CPA3: variants seen among roughly 807,000 people sequenced by gnomAD.
The protein encoded by CPA3 is mast cell carboxypeptidase A.
Under a neutral mutation model 55.8 loss-of-function variants are expected in CPA3, and 52 were observed. The observed-to-expected ratio is 0.93, with a 90% CI of 0.75 to 1.17. The LOEUF (loss-of-function observed/expected upper bound fraction) is 1.17. CPA3 is among the 50% of genes most tolerant of loss of function. The probability of loss-of-function intolerance (pLI) is 0.00; values close to 1 mark genes in which losing one functional copy is unlikely to be tolerated. For synonymous variants in CPA3, 179 were observed against 171.2 expected, an observed-to-expected ratio of 1.05 and a Z score of -0.36; for missense variants, 547 against 509.1, an observed-to-expected ratio of 1.07 and a Z score of -0.72.
intron 3 of CPA3, among the ~76,000 whole-genome samples, chr3:148,872,032 C>A (rs78789980): frequency 0.042 from 6,402 of 151,984 alleles, 178 homozygotes; most frequent in East Asian, 0.097. Flanking sequence ...ACTTACACAC[C>A]CTTCATTAGA....
intron 3 of CPA3, among the ~76,000 whole-genome samples, chr3:148,876,131 A>T (rs961970605): frequency 1.3e-5 from 2 of 151,850 alleles, no homozygotes; most frequent in African/African-American, 2.4e-5. Flanking sequence ...TAATCAAAGT[A>T]AATGGTTTTT....
At chr3:148,868,205 T>A (rs967005569) in intron 2 of CPA3, among the ~76,000 whole-genome samples, 1 of 152,168 alleles carries the variant, frequency 6.6e-6, no homozygotes, top group African/African-American at 2.4e-5. Flanking sequence ...GAAATTATTT[T>A]GATCTGAATG....
intron 6 of CPA3, among the ~76,000 whole-genome samples, chr3:148,880,414 C>A (rs1714331016): frequency 6.6e-6 from 1 of 151,608 alleles, no homozygotes; most frequent in Non-Finnish European, 1.5e-5. Context: ...TCACTGCAAC[C>A]TCCGCCTCCT....
In CPA3 at chr3:148,896,672, T is replaced by C; in HGVS notation, c.1219T>C (p.Phe407Leu). The C allele has an allele frequency of 6.4e-7, 1 of 1,555,884 alleles. No homozygotes were observed. The highest frequency in any genetic ancestry group is 1.2e-5 in the South Asian group (1 of 85,058). The change falls in exon 11 of 11, where the codon TTT (phenylalanine) becomes CTT (leucine). Residue 407 changes from phenylalanine (F) to leucine (L), a missense_variant. Physicochemically the swap from Phe to Leu is conservative, Grantham distance 22. Coordinates refer to ENST00000296046, the MANE Select transcript of CPA3 (RefSeq NM_001870.4). ...TCRETMLAVK[F>L]IAKYILKHTS ...CAGAGAGACCATGCTAGCTGTCAAA[T>C]TTATTGCCAAGTATATCCTCAAGCA... is the stretch of plus-strand genomic sequence containing the variant.
At chr3:148,893,334 A>G (rs1387091165) in intron 10 of CPA3, among the ~76,000 whole-genome samples, 1 of 152,130 alleles carries the variant, frequency 6.6e-6, no homozygotes, top group Non-Finnish European at 1.5e-5. Context: ...TATAAGATAC[A>G]AAAAGGAACC....
Position 148,896,922 on chromosome 3 carries a change from C to A in CPA3, c.*215C>A, listed in dbSNP as rs958741997. On this transcript the variant is annotated 3_prime_UTR_variant, in exon 11 of 11. Transcript: ENST00000296046. ...GAAACCTTTTAACTACCTTTCTTTG[C>A]TCCAAGTGAAGTTTGGACCCAGCAG... 2.4e-4 allele frequency: 91 copies of A among 382,570 alleles called. No individual in the cohort carries two copies. The highest frequency in any genetic ancestry group is 1.8e-3 in the African/African-American group (89 of 49,146). 23.7% of individuals were successfully genotyped at this position (382,570 alleles called of 1,614,324 possible). A position where few individuals can be genotyped will look rare whatever the true frequency, so the allele number is the denominator to read the frequency against.
At chr3:148,889,444 A>T (rs1057119489) in intron 10 of CPA3, among the ~76,000 whole-genome samples, 79 of 152,238 alleles carry the variant, frequency 5.2e-4, no homozygotes, top group African/African-American at 1.4e-3. Flanking sequence ...TTTAGAAAAA[A>T]ATATATATAT....
At chr3:148,885,668 C>T (rs1714510932) in intron 9 of CPA3, among the ~76,000 whole-genome samples, 3 of 151,942 alleles carry the variant, frequency 2.0e-5, no homozygotes, top group Admixed American at 6.6e-5. Flanking sequence ...CCTCAGCCTC[C>T]GCAAGTGCTG....
chr3:148,868,114 C>A (rs570283172), intron 2 of CPA3, among the ~76,000 whole-genome samples: 20 of 152,208 alleles, frequency 1.3e-4, no homozygotes, highest in African/African-American at 4.6e-4. Context: ...AGGCTGGTCT[C>A]GAACTCCCGA....
intron 10 of CPA3, among the ~76,000 whole-genome samples, chr3:148,894,624 G>A (rs962979712): frequency 6.7e-6 from 1 of 149,866 alleles, no homozygotes; most frequent in African/African-American, 2.5e-5. Flanking sequence ...ACACAGATAA[G>A]TTGAAATGAG....
At chr3:148,873,975 G>T (rs1447308064) in intron 3 of CPA3, among the ~76,000 whole-genome samples, 2 of 152,122 alleles carry the variant, frequency 1.3e-5, no homozygotes, top group Non-Finnish European at 2.9e-5. Context: ...AGCAAATTTT[G>T]GAGCTCAAAA....
intron 10 of CPA3, among the ~76,000 whole-genome samples, chr3:148,890,912 T>C (rs1233224588): frequency 1.2e-4 from 18 of 152,204 alleles, no homozygotes; most frequent in Non-Finnish European, 1.5e-5. Flanking sequence ...TTTCTTAATG[T>C]TGAACATACT....
intron 6 of CPA3, among the ~76,000 whole-genome samples, chr3:148,880,401 G>A (rs908403382): frequency 6.7e-6 from 1 of 149,598 alleles, no homozygotes; most frequent in East Asian, 2.0e-4. Context: ...GTGCAATCTC[G>A]TCTCACTGCA....
chr3:148,896,524 G>T lies in CPA3; in HGVS notation c.1071G>T (p.Pro357=). 1.3e-6 allele frequency: 2 copies of T among 1,506,452 alleles called. No homozygotes were observed. The highest frequency in any genetic ancestry group is 2.7e-5 in the South Asian group (2 of 74,466). The allele number at this position is 1,506,452 out of a possible 1,614,324, so 93.3% of individuals were successfully genotyped here. ...IYGPIESTIY[P]ISGSSLDWAY... ...TTTACTGCTTGTGTTTTACAGACCC[G>T]ATATCAGGTTCTTCTTTAGACTGGG... The change falls in exon 11 of 11, where the codon CCG becomes CCT. Residue 357 remains proline, a synonymous_variant. Coordinates refer to ENST00000296046, the MANE Select transcript of CPA3 (RefSeq NM_001870.4).
At position 148,883,857 on chromosome 3, in the gene CPA3, A is replaced by G. The variant is rs138121854; in HGVS notation, c.981+42A>G. The stretch of plus-strand genomic sequence containing the variant: ...TTGCACTTCATGCATCGACAATACC[A>G]TTGACTTTCAGTCTGTTCTTCATTA... On this transcript the variant is annotated intron_variant, in intron 9 of 10. Coordinates refer to ENST00000296046, the MANE Select transcript of CPA3 (RefSeq NM_001870.4). The G allele has an allele frequency of 5.9e-5, 83 of 1,402,732 alleles. No individual in the cohort carries two copies. In the African/African-American group the frequency reaches 1.1e-3, roughly 18 times the overall value. 86.9% of individuals were successfully genotyped at this position (1,402,732 alleles called of 1,614,324 possible).
chr3:148,878,806 A>G, intron 5 of CPA3, 58 bp downstream of exon 5: 1 of 1,067,826 alleles, frequency 9.4e-7, no homozygotes, highest in South Asian at 1.4e-5. Flanking sequence ...TGAATTTAAA[A>G]GTTACTTTGT....
At chr3:148,867,022 C>A (rs1713919611) in intron 2 of CPA3, among the ~76,000 whole-genome samples, 1 of 152,170 alleles carries the variant, frequency 6.6e-6, no homozygotes, top group Non-Finnish European at 1.5e-5. Context: ...TCCCAAAATG[C>A]TGGGATTACA....
In CPA3 at chr3:148,887,495, T is replaced by C. The variant is rs934885236; in HGVS notation, c.1066+1318T>C. Among the ~76,000 whole-genome samples the C allele has an allele frequency of 1.8e-4, 27 of 152,266 alleles. 1 individual carries two copies. Among genetic ancestry groups the C allele is most frequent in the African/African-American group, 6.3e-4 (26 of 41,562 alleles). On this transcript the variant is annotated intron_variant, in intron 10 of 10. Coordinates refer to ENST00000296046, the MANE Select transcript of CPA3 (RefSeq NM_001870.4). Reference sequence around the variant, plus strand: ...CTCAGATTTTAACAAACAAAAGCCCTGATCCTGACCACTGCACATACTGTT... The same window carrying C: ...CTCAGATTTTAACAAACAAAAGCCCCGATCCTGACCACTGCACATACTGTT...
chr3:148,875,807 G>T (rs918647672), intron 3 of CPA3, among the ~76,000 whole-genome samples: 1 of 151,938 alleles, frequency 6.6e-6, no homozygotes, highest in African/African-American at 2.4e-5. Flanking sequence ...ATACATCAAC[G>T]GACAATAATT....
Sources: allele counts gnomAD v4.1 joint callset (sites outside exome capture counted in the v4.1 genomes callset), GRCh38; gene constraint gnomAD v4.1.1; transcripts MANE v1.5; gene names NCBI Gene and HGNC (gene_info 2026-07-23, HGNC 2026-07-21).